CYP4F8: variants seen among roughly 807,000 people sequenced by gnomAD.
The protein encoded by CYP4F8 is cytochrome P450 4F8.
In CYP4F8, 56 loss-of-function variants were observed where a neutral mutation model predicts 55.0. The ratio of observed to expected loss-of-function variants is 1.02; its 90% CI spans 0.82 to 1.27. The LOEUF (loss-of-function observed/expected upper bound fraction) is 1.27, where lower values mean the gene tolerates loss of function less well. Ranked by LOEUF, CYP4F8 falls within the 50% of genes most tolerant of loss-of-function variation. The pLI, the probability that CYP4F8 is intolerant of heterozygous loss-of-function variation, is 0.00. For synonymous variants in CYP4F8, 288 were observed against 267.3 expected, an observed-to-expected ratio of 1.08 and a Z score of -0.76; for missense variants, 680 against 682.4, an observed-to-expected ratio of 1.00 and a Z score of 0.04.
chr19:15,621,726 A>G (rs1232566858), intron 5 of CYP4F8: 1 of 153,202 alleles, frequency 6.5e-6, no homozygotes, highest in Non-Finnish European at 1.5e-5. Context: ...TGCCTATTCC[A>G]TGGTGTATGT....
At chr19:15,626,093 T>C (rs4646531) in intron 9 of CYP4F8, among the ~76,000 whole-genome samples, 23,405 of 152,250 alleles carry the variant, frequency 0.15, 1,862 homozygotes, top group Middle Eastern at 0.21. Context: ...ATTTATTCTC[T>C]TGCTTTTAGC....
At position 15,622,334 on chromosome 19, in the gene CYP4F8, G is replaced by A. The variant is rs758609915; in HGVS notation, c.641G>A (p.Cys214Tyr). 1.3e-6 allele frequency: 2 copies of A among 1,593,260 alleles called. No individual in the cohort carries two copies. Among genetic ancestry groups the A allele is most frequent in the Non-Finnish European group, 1.7e-6 (2 of 1,168,026 alleles). ...QKCIFSFDSN[C>Y]QEKPSEYITA... ...TGCATCTTCAGCTTTGACAGCAATT[G>A]TCAGGAGTGAGTTCTTGCCCAGGGC... Residue 214 changes from cysteine to tyrosine, a missense_variant, in exon 6 of 13, where the codon TGT (cysteine) becomes TAT (tyrosine). Transcript: ENST00000612078.
intron 8 of CYP4F8, 23 bp from the exon 9 acceptor site, chr19:15,623,942 A>G (rs376455292): frequency 9.9e-6 from 16 of 1,612,784 alleles, no homozygotes; most frequent in Admixed American, 1.7e-5. Context: ...CCAGAGACTC[A>G]AGCCTGCCTG....
intron 3 of CYP4F8, chr19:15,618,716 T>G: frequency 4.2e-6 from 1 of 237,654 alleles, no homozygotes; most frequent in Non-Finnish European, 8.3e-6. Context: ...GAGAAGGAGT[T>G]GTGGTTGGTG....
intron 2 of CYP4F8, 22 bp downstream of exon 2, chr19:15,615,836 C>T (rs1021577225): frequency 1.0e-5 from 16 of 1,595,000 alleles, no homozygotes; most frequent in African/African-American, 9.4e-5. Flanking sequence ...GAGGATGGAT[C>T]TAGTGTCTCA....
Position 15,628,794 on chromosome 19 carries a change from G to T in CYP4F8, c.1348G>T (p.Ala450Ser), listed in dbSNP as rs765840421. The change falls in exon 12 of 13, where the codon GCC becomes TCC. Residue 450 changes from alanine to serine, a missense_variant. Physicochemically the swap from Ala to Ser is moderately conservative, Grantham distance 99. Coordinates refer to ENST00000612078, the MANE Select transcript of CYP4F8 (RefSeq NM_007253.4). Reference protein sequence around the residue: ...YDPFRFDPENAQKRSPMAFIP... With the variant: ...YDPFRFDPENSQKRSPMAFIP... ...CCCCTTCCGCTTCGACCCAGAAAACGCCCAGAAGAGGTCACCTATGGCTTT... is the reference window on the plus strand; with the variant it reads ...CCCCTTCCGCTTCGACCCAGAAAACTCCCAGAAGAGGTCACCTATGGCTTT... The T allele has an allele frequency of 2.5e-6, 4 of 1,610,866 alleles. No homozygotes were observed. The South Asian group carries it at 3.3e-5, about 13-fold the overall frequency.
In CYP4F8 at chr19:15,628,539, T is replaced by A. The variant is rs1972292748; in HGVS notation, c.1258T>A (p.Cys420Ser). ...CCTCTCCTGCACGACAGGGAATGTC[T>A]GTAACATCAACATCTTCGCAATCCA... ...DSRVIPKGNV[C>S]NINIFAIHHN... Residue 420 changes from cysteine to serine, a missense_variant, in exon 11 of 13, where the codon TGT (cysteine) becomes AGT (serine). Cys to Ser is a moderately radical substitution (Grantham distance 112, BLOSUM62 -1). Coordinates refer to ENST00000612078, the MANE Select transcript of CYP4F8 (RefSeq NM_007253.4). 1.2e-6 allele frequency: 2 copies of A among 1,613,798 alleles called. No individual in the cohort carries two copies. The highest frequency in any genetic ancestry group is 2.7e-5 in the African/African-American group (2 of 74,906).
chr19:15,619,363 G>T, intron 3 of CYP4F8, 127 bp from the exon 4 acceptor site: 1 of 1,093,118 alleles, frequency 9.1e-7, no homozygotes, highest in Non-Finnish European at 1.3e-6. Flanking sequence ...TTCTGCCCAT[G>T]GCCTCCTTCC....
intron 2 of CYP4F8, 64 bp downstream of exon 2, chr19:15,615,878 AG>A (rs1972109641): frequency 9.5e-6 from 10 of 1,050,524 alleles, no homozygotes; most frequent in South Asian, 1.8e-5. Context: ...GCTCAGGCTG[AG>A]GGGGTGGGCT....
chr19:15,628,629 C>A, intron 11 of CYP4F8, 34 bp downstream of exon 11: 1 of 1,610,532 alleles, frequency 6.2e-7, no homozygotes, highest in Admixed American at 1.7e-5. Flanking sequence ...ATCCCCCGGG[C>A]CTGGTCGGGG....
intron 11 of CYP4F8, 34 bp from the exon 12 acceptor site, chr19:15,628,727 C>A: frequency 6.2e-7 from 1 of 1,611,722 alleles, no homozygotes. Flanking sequence ...TCCTGAGAGG[C>A]CCCATCAGCA....
At position 15,621,859 on chromosome 19, in the gene CYP4F8, C is replaced by G. The variant is rs1356443918; in HGVS notation, c.526-360C>G. ...AGAGAGATTTCCCAAGTTCACCCAGCTTGTCAGTGAGTCTAAGAGTGGGGG... is the reference window on the plus strand; with the variant it reads ...AGAGAGATTTCCCAAGTTCACCCAGGTTGTCAGTGAGTCTAAGAGTGGGGG... On this transcript the variant is annotated intron_variant, in intron 5 of 12. Transcript: ENST00000612078. 3 of 178,006 alleles carry G rather than the reference C, an allele frequency of 1.7e-5. No individual in the cohort carries two copies. In the Admixed American group the frequency reaches 1.8e-4, roughly 11 times the overall value. The allele number at this position is 178,006 out of a possible 1,614,324, so 11.0% of individuals were successfully genotyped here.
At chr19:15,622,496 G>C (rs182609029) in intron 6 of CYP4F8, among the ~76,000 whole-genome samples, 156 bp downstream of exon 6, 1 of 151,988 alleles carries the variant, frequency 6.6e-6, no homozygotes, top group Non-Finnish European at 1.5e-5. Flanking sequence ...GAGAGAGAGC[G>C]AGAGAAAGAG....
At chr19:15,616,814 C>T (rs543119153) in intron 2 of CYP4F8, among the ~76,000 whole-genome samples, 41 of 152,204 alleles carry the variant, frequency 2.7e-4, no homozygotes, top group Non-Finnish European at 5.3e-4. Flanking sequence ...TCACTTAGAC[C>T]TGCTGTCCCC....
At chr19:15,629,075 C>T in intron 12 of CYP4F8, 118 bp from the exon 13 acceptor site, 1 of 1,395,824 alleles carries the variant, frequency 7.2e-7, no homozygotes, top group African/African-American at 1.5e-5. Flanking sequence ...GACCCAGCTT[C>T]CCCCCTGTCT....
chr19:15,626,608 T>TCTA (rs141221747), intron 9 of CYP4F8, among the ~76,000 whole-genome samples: 15 of 129,264 alleles, frequency 1.2e-4, no homozygotes, highest in Non-Finnish European at 1.6e-4. Flanking sequence ...GTTCTGGATA[T>TCTA]CTATCTATCT....
intron 9 of CYP4F8, among the ~76,000 whole-genome samples, chr19:15,625,627 T>TA (rs1240181689): frequency 6.6e-6 from 1 of 152,042 alleles, no homozygotes; most frequent in Non-Finnish European, 1.5e-5. Flanking sequence ...ACTTTGTGTT[T>TA]ACAGTTTTTT....
chr19:15,629,534 T>C lies in CYP4F8; in HGVS notation c.*176T>C, dbSNP rs1972309646. ...GCCTGGCTGGGAAGAGGCGGGGAGA[T>C]GTCTCTGTGCCCAAGATACTCACTG... On this transcript the variant is annotated 3_prime_UTR_variant, in exon 13 of 13. Coordinates refer to ENST00000612078, the MANE Select transcript of CYP4F8 (RefSeq NM_007253.4). 4.4e-6 allele frequency: 4 copies of C among 900,200 alleles called. No individual in the cohort carries two copies. The South Asian group carries it at 5.8e-5, about 13-fold the overall frequency. The allele number at this position is 900,200 out of a possible 1,614,324, so 55.8% of individuals were successfully genotyped here.
intron 9 of CYP4F8, among the ~76,000 whole-genome samples, chr19:15,626,631 A>ATCTATCTC (rs1972266660): frequency 9.2e-6 from 1 of 108,438 alleles, no homozygotes; most frequent in South Asian, 2.7e-4. Flanking sequence ...CTATCTATCT[A>ATCTATCTC]TCTATCTATC....
Sources: allele counts gnomAD v4.1 joint callset (sites outside exome capture counted in the v4.1 genomes callset), GRCh38; gene constraint gnomAD v4.1.1; transcripts MANE v1.5; gene names NCBI Gene and HGNC (gene_info 2026-07-23, HGNC 2026-07-21).